ELMO1: variants seen among roughly 807,000 people sequenced by gnomAD.
ELMO1 encodes engulfment and cell motility 1.
In ELMO1, 26 loss-of-function variants were observed where a neutral mutation model predicts 98.9. The observed-to-expected ratio is 0.26, with a 90% CI of 0.19 to 0.36. The LOEUF (loss-of-function observed/expected upper bound fraction) is 0.36, where lower values mean the gene tolerates loss of function less well. Among genes scored for constraint, ELMO1 ranks in the 10% least tolerant of loss-of-function variants. The pLI is 1.00. For missense variants in ELMO1, 627 were observed against 935.2 expected, an observed-to-expected ratio of 0.67 and a Z score of 4.30; for synonymous variants, 346 against 346.0, an observed-to-expected ratio of 1.00 and a Z score of 0.00.
intron 13 of ELMO1, among the ~76,000 whole-genome samples, chr7:37,192,509 A>AAC (rs1408789290): frequency 6.6e-6 from 1 of 150,728 alleles, no homozygotes; most frequent in East Asian, 2.0e-4. Context: ...AAAAAAAAAA[A>AAC]AAAAACTGGG....
At chr7:37,309,593 A>T (rs1301315396) in intron 4 of ELMO1, among the ~76,000 whole-genome samples, 1 of 152,202 alleles carries the variant, frequency 6.6e-6, no homozygotes, top group East Asian at 1.9e-4. Context: ...TGTATAGGGT[A>T]TTTGGCTGGT....
At chr7:36,920,329 A>G (rs1416149820) in intron 16 of ELMO1, among the ~76,000 whole-genome samples, 1 of 152,260 alleles carries the variant, frequency 6.6e-6, no homozygotes, top group Non-Finnish European at 1.5e-5. Flanking sequence ...AGCAACTATC[A>G]TCTGGCAGTG....
chr7:37,393,403 G>A (rs143141267), intron 1 of ELMO1, among the ~76,000 whole-genome samples: 39 of 152,108 alleles, frequency 2.6e-4, no homozygotes, highest in African/African-American at 8.0e-4. Flanking sequence ...CAAATGTCCC[G>A]ATAATGTACT....
intron 14 of ELMO1, among the ~76,000 whole-genome samples, chr7:37,123,117 C>T (rs1786205616): frequency 6.6e-6 from 1 of 152,018 alleles, no homozygotes; most frequent in Non-Finnish European, 1.5e-5. Context: ...ACCAGAATCT[C>T]TGGGACACAT....
chr7:37,355,122 C>T (rs1801446101), intron 1 of ELMO1, among the ~76,000 whole-genome samples: 1 of 152,170 alleles, frequency 6.6e-6, no homozygotes, highest in Non-Finnish European at 1.5e-5. Flanking sequence ...CCCAGAGGAG[C>T]ACAGACTTTT....
At chr7:36,963,564 G>A (rs1018080603) in intron 16 of ELMO1, among the ~76,000 whole-genome samples, 3 of 152,000 alleles carry the variant, frequency 2.0e-5, no homozygotes, top group East Asian at 1.9e-4. Flanking sequence ...TTTTTCTTCG[G>A]GTGGATGGAT....
At chr7:36,880,803 G>A (rs1374810329) in intron 18 of ELMO1, among the ~76,000 whole-genome samples, 1 of 152,194 alleles carries the variant, frequency 6.6e-6, no homozygotes, top group Non-Finnish European at 1.5e-5. Context: ...ATACAGTAAT[G>A]ATCAGAGAAC....
At chr7:37,361,125 C>T (rs1007973056) in intron 1 of ELMO1, among the ~76,000 whole-genome samples, 3 of 152,108 alleles carry the variant, frequency 2.0e-5, no homozygotes, top group African/African-American at 7.2e-5. Flanking sequence ...ACATATTTAT[C>T]ATATGACACA....
chr7:37,373,155 G>C (rs1802184918), intron 1 of ELMO1, among the ~76,000 whole-genome samples: 1 of 152,216 alleles, frequency 6.6e-6, no homozygotes, highest in African/African-American at 2.4e-5. Flanking sequence ...ACTGAAGACG[G>C]CGCTAGCAGA....
chr7:37,130,935 A>AT (rs1375640254), intron 14 of ELMO1, among the ~76,000 whole-genome samples: 1 of 152,156 alleles, frequency 6.6e-6, no homozygotes, highest in African/African-American at 2.4e-5. Context: ...AAAAAGGCGG[A>AT]TTTTTATCAA....
chr7:37,043,329 T>A (rs1401918920), intron 15 of ELMO1, among the ~76,000 whole-genome samples: 1 of 152,212 alleles, frequency 6.6e-6, no homozygotes, highest in Admixed American at 6.5e-5. Context: ...GCCCCAAGCA[T>A]CTTATTAAAG....
intron 7 of ELMO1, among the ~76,000 whole-genome samples, chr7:37,234,467 T>C (rs914108148): frequency 1.3e-5 from 2 of 152,184 alleles, no homozygotes; most frequent in East Asian, 3.8e-4. Flanking sequence ...TAATGCTAAA[T>C]GGAACCTATA....
At chr7:37,249,179 T>G (rs1435143278) in intron 6 of ELMO1, among the ~76,000 whole-genome samples, 1 of 152,208 alleles carries the variant, frequency 6.6e-6, no homozygotes, top group Non-Finnish European at 1.5e-5. Context: ...TGAAAACACC[T>G]CTGGTTCAGG....
At chr7:37,416,087 A>G (rs1383457980) in intron 1 of ELMO1, among the ~76,000 whole-genome samples, 1 of 152,238 alleles carries the variant, frequency 6.6e-6, no homozygotes, top group African/African-American at 2.4e-5. Flanking sequence ...CTGACCTACA[A>G]CAGAAATAAA....
At chr7:37,032,492 G>T (rs1400935362) in intron 15 of ELMO1, among the ~76,000 whole-genome samples, 3 of 152,136 alleles carry the variant, frequency 2.0e-5, no homozygotes. Flanking sequence ...AAGATACTTC[G>T]CAATGTCCCT....
intron 16 of ELMO1, among the ~76,000 whole-genome samples, chr7:36,917,887 ATAT>A (rs566075732): frequency 1.3e-4 from 20 of 152,304 alleles, no homozygotes; most frequent in Non-Finnish European, 2.5e-4. Flanking sequence ...AGACAATGAA[ATAT>A]TATGCAAATG....
chr7:36,915,519 C>T (rs1784627264), intron 16 of ELMO1, among the ~76,000 whole-genome samples: 1 of 152,148 alleles, frequency 6.6e-6, no homozygotes, highest in African/African-American at 2.4e-5. Flanking sequence ...GATGGATCCA[C>T]CACAAAGGGC....
rs534305094 is a variant in ELMO1 at position 37,161,890 on chromosome 7, G to A, written c.1087-28656C>T. The stretch of plus-strand genomic sequence containing the variant: ...GGCTTCCACTAAGGCATTATAGAAA[G>A]CCTTCAGGTAATCAAATATATATAT... On this transcript the variant is annotated intron_variant, in intron 13 of 21. Transcript: ENST00000310758. Among the ~76,000 whole-genome samples, 265 of 48,788 alleles carry A rather than the reference G, an allele frequency of 5.4e-3. 5 individuals carry two copies. The highest frequency in any genetic ancestry group is 0.015 in the African/African-American group (258 of 17,666). 32.0% of individuals were successfully genotyped at this position (48,788 alleles called of 152,430 possible).
At chr7:37,027,888 C>A (rs1229996926) in intron 15 of ELMO1, among the ~76,000 whole-genome samples, 4 of 151,990 alleles carry the variant, frequency 2.6e-5, no homozygotes, top group Non-Finnish European at 4.4e-5. Flanking sequence ...AAATATCAAA[C>A]CAGTAACAGC....
Sources: allele counts gnomAD v4.1 joint callset (sites outside exome capture counted in the v4.1 genomes callset), GRCh38; gene constraint gnomAD v4.1.1; transcripts MANE v1.5; gene names NCBI Gene and HGNC (gene_info 2026-07-23, HGNC 2026-07-21).